The following LRIG1 variants were observed in gnomAD, a reference collection of about 807,000 sequenced individuals.
LRIG1 encodes the protein leucine-rich repeats and immunoglobulin-like domains protein 1.
A neutral mutation model predicts 99.2 loss-of-function variants in LRIG1; 48 were observed. That is an observed-to-expected ratio of 0.48 (90% CI 0.38 to 0.62). The LOEUF (loss-of-function observed/expected upper bound fraction) is 0.62, where lower values mean the gene tolerates loss of function less well. Among genes scored for constraint, LRIG1 ranks in the 20% least tolerant of loss-of-function variants. The pLI, the probability that LRIG1 is intolerant of heterozygous loss-of-function variation, is 0.00. For synonymous variants in LRIG1, 772 were observed against 596.1 expected, an observed-to-expected ratio of 1.29 and a Z score of -4.30; for missense variants, 1,646 against 1,434.4, an observed-to-expected ratio of 1.15 and a Z score of -2.38.
chr3:66,386,452 G>C lies in LRIG1; in HGVS notation c.1469-151C>G, dbSNP rs554814072. ...TCCTCAGCCCCACCAACCAGATGCC[G>C]TAAGAGTTGCACCATGGACATCTGA... is the stretch of plus-strand genomic sequence containing the variant. On this transcript the variant is annotated intron_variant, in intron 12 of 18. Transcript: ENST00000273261. The C allele has an allele frequency of 9.2e-6, 6 of 652,128 alleles. No homozygotes were observed. In the Admixed American group the frequency reaches 1.6e-4, roughly 18 times the overall value. The allele number at this position is 652,128 out of a possible 1,614,324, so 40.4% of individuals were successfully genotyped here.
intron 8 of LRIG1, 74 bp from the exon 9 acceptor site, chr3:66,405,352 T>C (rs914702081): frequency 1.1e-5 from 14 of 1,244,968 alleles, no homozygotes; most frequent in Non-Finnish European, 1.6e-5. Flanking sequence ...CCCAGCCTGC[T>C]GCTCGGAAGC....
intron 11 of LRIG1, among the ~76,000 whole-genome samples, chr3:66,395,269 A>G (rs1024691375): frequency 3.3e-5 from 5 of 152,212 alleles, no homozygotes; most frequent in African/African-American, 9.7e-5. Context: ...ATGCAGGCCA[A>G]GAGCACGACT....
At position 66,381,688 on chromosome 3, in the gene LRIG1, C is replaced by T. The variant is rs952792056; in HGVS notation, c.2618-57G>A. ...CTGGGCTTGGTATTTCACAGTAAGC[C>T]TTATGAAAGGAATGAGCAAGGCCGC... On this transcript the variant is annotated intron_variant, in intron 16 of 18. Coordinates refer to ENST00000273261, the MANE Select transcript of LRIG1 (RefSeq NM_015541.3). 22 of 1,574,930 alleles carry T rather than the reference C, an allele frequency of 1.4e-5. No individual in the cohort carries two copies. The African/African-American group carries it at 1.6e-4, about 12-fold the overall frequency.
intron 12 of LRIG1, among the ~76,000 whole-genome samples, chr3:66,391,474 C>T (rs1250713554): frequency 6.6e-6 from 1 of 152,152 alleles, no homozygotes; most frequent in Non-Finnish European, 1.5e-5. Flanking sequence ...GAATGAAGTA[C>T]TGATACATGC....
In LRIG1 at chr3:66,500,118, C is replaced by A. The variant is rs1701322261; in HGVS notation, c.218+72G>T. On this transcript the variant is annotated intron_variant, in intron 1 of 18. Transcript: ENST00000273261. ...CCAGTCCGCACCCCCTCCCTGAGTA[C>A]GAACCCCCGCCGCTCCATCCCCAAG... The A allele has an allele frequency of 2.4e-6, 3 of 1,256,866 alleles. No homozygotes were observed. In the Admixed American group the frequency reaches 6.8e-5, roughly 29 times the overall value. 77.9% of individuals were successfully genotyped at this position (1,256,866 alleles called of 1,614,324 possible).
chr3:66,464,875 G>C (rs1421570187), intron 1 of LRIG1, among the ~76,000 whole-genome samples: 1 of 152,132 alleles, frequency 6.6e-6, no homozygotes, highest in African/African-American at 2.4e-5. Context: ...TAAAAATTTT[G>C]CTTTTTAGGT....
chr3:66,458,965 C>G (rs1700294030), intron 2 of LRIG1, among the ~76,000 whole-genome samples: 1 of 141,964 alleles, frequency 7.0e-6, no homozygotes. Context: ...TGCAGTGACC[C>G]AAGATTGCAC....
intron 2 of LRIG1, among the ~76,000 whole-genome samples, chr3:66,459,981 AT>A (rs1221019231): frequency 3.5e-4 from 53 of 150,114 alleles, no homozygotes; most frequent in East Asian, 9.7e-4. Context: ...TTTACTCATC[AT>A]TTTTTTTTTA....
At chr3:66,450,872 T>C (rs1450763303) in intron 3 of LRIG1, among the ~76,000 whole-genome samples, 1 of 152,210 alleles carries the variant, frequency 6.6e-6, no homozygotes, top group Non-Finnish European at 1.5e-5. Context: ...CTGGAAAGTC[T>C]TCTGGGTGAG....
At chr3:66,404,538 G>T in intron 9 of LRIG1, 4 of 570,024 alleles carry the variant, frequency 7.0e-6, no homozygotes, top group Non-Finnish European at 9.8e-6. Flanking sequence ...CAAATCCTGA[G>T]CCTGCCACTT....
chr3:66,448,568 TTCC>T (rs1296753928), intron 3 of LRIG1, among the ~76,000 whole-genome samples: 1 of 152,182 alleles, frequency 6.6e-6, no homozygotes, highest in African/African-American at 2.4e-5. Context: ...CTGCTTCAAC[TTCC>T]TCATCTGAGA....
At chr3:66,442,662 T>C (rs556615210) in intron 3 of LRIG1, among the ~76,000 whole-genome samples, 60 of 152,038 alleles carry the variant, frequency 3.9e-4, no homozygotes, top group South Asian at 1.2e-3. Flanking sequence ...TTCTCCAACA[T>C]TGGGGAGCAA....
chr3:66,475,285 G>T (rs1292877324), intron 1 of LRIG1, among the ~76,000 whole-genome samples: 1 of 152,192 alleles, frequency 6.6e-6, no homozygotes, highest in Non-Finnish European at 1.5e-5. Context: ...GCTATCATTG[G>T]TAGGGAGGTA....
intron 1 of LRIG1, among the ~76,000 whole-genome samples, chr3:66,498,986 C>G (rs765729051): frequency 6.6e-6 from 1 of 152,220 alleles, no homozygotes; most frequent in Non-Finnish European, 1.5e-5. Flanking sequence ...CTTTTTAAAA[C>G]AGCCATAGTC....
At chr3:66,439,870 C>T (rs960741563) in intron 3 of LRIG1, among the ~76,000 whole-genome samples, 11 of 152,312 alleles carry the variant, frequency 7.2e-5, no homozygotes, top group Admixed American at 2.6e-4. Flanking sequence ...TTCCTCATCA[C>T]GCTGTGGCTA....
chr3:66,480,976 C>T (rs1575725569), intron 1 of LRIG1, among the ~76,000 whole-genome samples: 1 of 152,098 alleles, frequency 6.6e-6, no homozygotes, highest in East Asian at 1.9e-4. Context: ...TCTGGAAAGT[C>T]CCTCCAGAGT....
chr3:66,467,419 G>A (rs1040379212), intron 1 of LRIG1, among the ~76,000 whole-genome samples: 7 of 149,200 alleles, frequency 4.7e-5, no homozygotes, highest in Admixed American at 1.3e-4. Flanking sequence ...GGCGTGCAGC[G>A]GTGCATCTCC....
intron 1 of LRIG1, chr3:66,469,004 C>T (rs1052348601): frequency 6.6e-6 from 1 of 152,132 alleles, no homozygotes; most frequent in South Asian, 2.1e-4. Flanking sequence ...TATTGTGATG[C>T]TTCCCCTTGT....
rs759074777 is a variant in LRIG1, at chr3:66,386,116, C to T, written c.1654G>A (p.Asp552Asn). 5 of 1,614,146 alleles carry T rather than the reference C, an allele frequency of 3.1e-6. No individual in the cohort carries two copies. The highest frequency in any genetic ancestry group is 4.2e-6 in the Non-Finnish European group (5 of 1,180,036). Residue 552 changes from aspartate (D) to asparagine (N), a missense_variant, in exon 13 of 19, where the codon GAC becomes AAC. Asp to Asn is a conservative substitution (Grantham distance 23). Transcript: ENST00000273261. The part of the protein sequence containing the change: ...MENFVHVHAQ[D>N]GEVMEYTTIL... ...GTGGTGTACTCCATCACTTCCCCGTCCTGCGCGTGGACGTGGACAAAGTTC... is the reference window on the plus strand; with the variant it reads ...GTGGTGTACTCCATCACTTCCCCGTTCTGCGCGTGGACGTGGACAAAGTTC...
Sources: allele counts gnomAD v4.1 joint callset (sites outside exome capture counted in the v4.1 genomes callset), GRCh38; gene constraint gnomAD v4.1.1; transcripts MANE v1.5; gene names NCBI Gene and HGNC (gene_info 2026-07-23, HGNC 2026-07-21).